Variants in VPS37A observed in about 807,000 individuals in gnomAD.
The protein encoded by VPS37A is VPS37A subunit of ESCRT-I.
A neutral mutation model predicts 49.8 loss-of-function variants in VPS37A; 30 were observed. That is an observed-to-expected ratio of 0.60 (90% CI 0.45 to 0.82). The LOEUF is 0.82. Ranked by LOEUF, VPS37A falls within the 40% of genes least tolerant of loss-of-function variation. The pLI is 0.00. For missense variants in VPS37A, 593 were observed against 464.4 expected (o/e 1.28, Z -2.55); for synonymous variants, 195 against 160.6 (o/e 1.21, Z -1.62).
chr8:17,285,168 C>T (rs952577308), intron 10 of VPS37A, among the ~76,000 whole-genome samples: 12 of 152,148 alleles, frequency 7.9e-5, no homozygotes, highest in African/African-American at 2.9e-4. Flanking sequence ...ACCTGAAAAG[C>T]CTCTTGAGAA....
At position 17,284,395 on chromosome 8, in the gene VPS37A, C is replaced by A. The variant is rs553380659; in HGVS notation, c.970-78C>A. The A allele has an allele frequency of 4.1e-6, 6 of 1,480,120 alleles. No homozygotes were observed. The South Asian group carries it at 6.0e-5, about 15-fold the overall frequency. 91.7% of individuals were successfully genotyped at this position (1,480,120 alleles called of 1,614,324 possible). ...CATATAATAAATTGCCTCTCCATAC[C>A]ACTACCTTACTTCCTTTCCCTGTGA... On this transcript the variant is annotated intron_variant, in intron 9 of 11. Transcript: ENST00000324849.
chr8:17,280,289 T>A lies in VPS37A; in HGVS notation c.892T>A (p.Leu298Ile), dbSNP rs750264592. Residue 298 changes from leucine to isoleucine, a missense_variant, in exon 8 of 12, where the codon TTA (leucine) becomes ATA (isoleucine). By Grantham distance (5) the Leu-to-Ile change is conservative. Transcript: ENST00000324849. Reference protein sequence around the residue: ...PSLEAKRQTVLDKYELLTQMK... With the variant: ...PSLEAKRQTVIDKYELLTQMK... ...CTTGGAAGCCAAAAGACAAACTGTT[T>A]TAGATAAGGTGAGTTAGTGATAATT... 150 of 1,612,330 alleles carry A rather than the reference T, an allele frequency of 9.3e-5. 3 individuals carry two copies. In the South Asian group the frequency reaches 1.4e-3, roughly 15 times the overall value.
At chr8:17,276,209 T>C (rs1347763017) in intron 5 of VPS37A, among the ~76,000 whole-genome samples, 188 bp from the exon 6 acceptor site, 2 of 151,980 alleles carry the variant, frequency 1.3e-5, no homozygotes, top group Non-Finnish European at 2.9e-5. Flanking sequence ...TAATCCTATG[T>C]ATACGACGCT....
At chr8:17,325,563 C>T in the VPS37A span, among the ~76,000 whole-genome samples, 1 of 152,166 alleles carries the variant, frequency 6.6e-6, no homozygotes, top group Non-Finnish European at 1.5e-5. Flanking sequence ...CCTGACCGTA[C>T]GATCGCCCAC....
chr8:17,279,440 C>T (rs892710754), intron 6 of VPS37A, among the ~76,000 whole-genome samples: 1 of 152,100 alleles, frequency 6.6e-6, no homozygotes, highest in African/African-American at 2.4e-5. Context: ...TGTCTGTGAA[C>T]TTGTACTTGT....
intron 1 of VPS37A, among the ~76,000 whole-genome samples, chr8:17,254,295 T>A (rs1812234727): frequency 6.6e-6 from 1 of 152,152 alleles, no homozygotes; most frequent in Non-Finnish European, 1.5e-5. Flanking sequence ...GGGGAGTCAG[T>A]AGCTGTCATG....
intron 1 of VPS37A, among the ~76,000 whole-genome samples, chr8:17,264,221 G>A (rs1813242163): frequency 6.6e-6 from 1 of 152,170 alleles, no homozygotes; most frequent in African/African-American, 2.4e-5. Context: ...CCTGACTTGA[G>A]AGGCAGTGCT....
At chr8:17,302,371 G>C, downstream of VPS37A, 1 of 1,357,160 alleles carries the variant, frequency 7.4e-7, no homozygotes, top group Non-Finnish European at 9.8e-7. Flanking sequence ...TGATACCACA[G>C]TCTTAATAAT....
intron 11 of VPS37A, among the ~76,000 whole-genome samples, chr8:17,290,614 A>G (rs756370620): frequency 2.6e-5 from 4 of 152,224 alleles, no homozygotes; most frequent in Non-Finnish European, 4.4e-5. Context: ...ATTGATGTTC[A>G]TCAGGGATAT....
chr8:17,267,453 G>T (rs934905683), intron 2 of VPS37A, among the ~76,000 whole-genome samples: 3 of 116,946 alleles, frequency 2.6e-5, no homozygotes, highest in Non-Finnish European at 5.2e-5. Flanking sequence ...TTCAAAAAAG[G>T]TTAAAATTTC....
At position 17,268,368 on chromosome 8, in the gene VPS37A, A is replaced by G. The variant is rs1294662005; in HGVS notation, c.311A>G (p.Asn104Ser). Residue 104 changes from asparagine (N) to serine (S), a missense_variant, in exon 3 of 12, where the codon AAC becomes AGC. By Grantham distance (46) the Asn-to-Ser change is conservative. Transcript: ENST00000324849. ...QGVYVTSPLV[N>S]NFTMHSDLGK... ...GTGTATGTTACCTCTCCATTAGTAA[A>G]CAATGTATGTATATGGGATAATTTA... 1 of 1,589,976 alleles carries G rather than the reference A, an allele frequency of 6.3e-7. No individual in the cohort carries two copies. The highest frequency in any genetic ancestry group is 1.3e-5 in the African/African-American group (1 of 74,444).
chr8:17,281,731 A>G (rs1815074069), intron 9 of VPS37A, among the ~76,000 whole-genome samples: 1 of 152,046 alleles, frequency 6.6e-6, no homozygotes, highest in African/African-American at 2.4e-5. Context: ...TAGAGAACTG[A>G]GAAATTTTTT....
chr8:17,309,462 G>A, the VPS37A span: 16 of 680,228 alleles, frequency 2.4e-5, no homozygotes, highest in South Asian at 2.4e-4. Flanking sequence ...GCATGAACAG[G>A]CATTATCCAC....
chr8:17,258,380 G>A (rs996818363), intron 1 of VPS37A, among the ~76,000 whole-genome samples: 1 of 152,104 alleles, frequency 6.6e-6, no homozygotes, highest in Non-Finnish European at 1.5e-5. Context: ...TGCTTTTTCA[G>A]CATCTGTTGA....
intron 1 of VPS37A, among the ~76,000 whole-genome samples, chr8:17,254,677 T>C (rs1271994626): frequency 6.6e-6 from 1 of 152,142 alleles, no homozygotes; most frequent in East Asian, 1.9e-4. Context: ...TAATCCTTTC[T>C]GTTTGTCAGT....
chr8:17,324,072 G>A, the VPS37A span, among the ~76,000 whole-genome samples: 4 of 152,132 alleles, frequency 2.6e-5, no homozygotes, highest in African/African-American at 7.2e-5. Context: ...TTGACATCCA[G>A]TTAAAACATT....
chr8:17,298,667 ATATAT>A (rs1374264948), downstream of VPS37A: 1 of 152,570 alleles, frequency 6.6e-6, no homozygotes. Context: ...GAATGTACTA[ATATAT>A]TAAAACCATA....
intron 1 of VPS37A, among the ~76,000 whole-genome samples, chr8:17,261,186 C>A (rs1043788740): frequency 1.3e-5 from 2 of 152,074 alleles, no homozygotes; most frequent in Non-Finnish European, 2.9e-5. Context: ...CTTTCTCTTA[C>A]TGTGTATTTT....
chr8:17,303,143 G>C (rs1042923847), downstream of VPS37A, among the ~76,000 whole-genome samples: 3 of 152,082 alleles, frequency 2.0e-5, no homozygotes, highest in Admixed American at 1.3e-4. Flanking sequence ...GCAAGGACTT[G>C]GTGTCATTGT....
Sources: gnomAD v4.1 joint callset for allele counts (sites outside exome capture counted in the v4.1 genomes callset) on GRCh38, gnomAD v4.1.1 for gene constraint, MANE v1.5 for transcripts, NCBI Gene and HGNC (gene_info 2026-07-23, HGNC 2026-07-21) for gene names.